CHRM3: variants seen among roughly 807,000 people sequenced by gnomAD.
CHRM3 encodes muscarinic acetylcholine receptor M3.
A neutral mutation model predicts 41.8 loss-of-function variants in CHRM3; 11 were observed. That is an observed-to-expected ratio of 0.26 (90% CI 0.17 to 0.44). The LOEUF is 0.44. Among genes scored for constraint, CHRM3 ranks in the 20% least tolerant of loss-of-function variants. The pLI is 1.00. For missense variants in CHRM3, 571 were observed against 745.4 expected, an observed-to-expected ratio of 0.77 and a Z score of 2.72; for synonymous variants, 297 against 301.4, an observed-to-expected ratio of 0.99 and a Z score of 0.15.
At chr1:239,493,582 C>A (rs1667692890) in intron 2 of CHRM3, among the ~76,000 whole-genome samples, 1 of 152,050 alleles carries the variant, frequency 6.6e-6, no homozygotes, top group Non-Finnish European at 1.5e-5. Context: ...GCCAAGCACA[C>A]AATAGGGATA....
At chr1:239,686,232 C>CT (rs1349899640) in intron 5 of CHRM3, among the ~76,000 whole-genome samples, 1 of 152,132 alleles carries the variant, frequency 6.6e-6, no homozygotes, top group Non-Finnish European at 1.5e-5. Flanking sequence ...TCCATGGTGC[C>CT]TATAGGCGCT....
intron 6 of CHRM3, among the ~76,000 whole-genome samples, chr1:239,862,986 G>C (rs988135194): frequency 1.3e-5 from 2 of 152,186 alleles, no homozygotes; most frequent in African/African-American, 4.8e-5. Context: ...GTGGATGTCA[G>C]ATTACAGAAT....
chr1:239,618,800 C>G (rs1285529277), intron 3 of CHRM3, among the ~76,000 whole-genome samples: 5 of 139,730 alleles, frequency 3.6e-5, no homozygotes, highest in Non-Finnish European at 6.1e-5. Context: ...GCCGAGATCG[C>G]GCCCCTGCAC....
At chr1:239,537,449 C>T (rs908552511) in intron 2 of CHRM3, among the ~76,000 whole-genome samples, 2 of 151,880 alleles carry the variant, frequency 1.3e-5, no homozygotes, top group Admixed American at 6.6e-5. Context: ...AGATTACTAT[C>T]GAGGACCTCA....
chr1:239,798,480 C>A (rs1338492922), intron 5 of CHRM3, among the ~76,000 whole-genome samples: 1 of 152,140 alleles, frequency 6.6e-6, no homozygotes, highest in Non-Finnish European at 1.5e-5. Flanking sequence ...GCACATAGAA[C>A]AGCCCCATGC....
chr1:239,444,900 G>A (rs564951152), intron 1 of CHRM3, among the ~76,000 whole-genome samples: 13 of 152,248 alleles, frequency 8.5e-5, no homozygotes, highest in Admixed American at 6.5e-4. Flanking sequence ...CCATAGGGGC[G>A]GAGATAGTAA....
At chr1:239,458,503 A>G (rs1212734564) in intron 1 of CHRM3, among the ~76,000 whole-genome samples, 1 of 152,214 alleles carries the variant, frequency 6.6e-6, no homozygotes, top group African/African-American at 2.4e-5. Context: ...AGTCCCTACT[A>G]TCTTAGTACT....
At chr1:239,605,041 C>T (rs961041648) in intron 3 of CHRM3, among the ~76,000 whole-genome samples, 5 of 152,062 alleles carry the variant, frequency 3.3e-5, no homozygotes, top group African/African-American at 9.7e-5. Context: ...CATTTAGTAA[C>T]TGCAATTTTA....
chr1:239,575,975 C>A (rs1233338203), intron 3 of CHRM3, among the ~76,000 whole-genome samples: 1 of 152,082 alleles, frequency 6.6e-6, no homozygotes, highest in East Asian at 1.9e-4. Context: ...CCTCCCCTAC[C>A]CCTGGTGACT....
At chr1:239,475,573 T>C (rs751790713) in intron 1 of CHRM3, among the ~76,000 whole-genome samples, 15 of 152,118 alleles carry the variant, frequency 9.9e-5, no homozygotes, top group Non-Finnish European at 1.9e-4. Flanking sequence ...GGATGGGATC[T>C]TAGAATAGAA....
In CHRM3 at chr1:239,554,733, T is replaced by C. The variant is rs566296313; in HGVS notation, c.-313+8984T>C. Among the ~76,000 whole-genome samples the C allele has an allele frequency of 1.5e-4, 22 of 147,862 alleles. No individual in the cohort carries two copies. The East Asian group carries it at 2.2e-3, about 15-fold the overall frequency. On this transcript the variant is annotated intron_variant, in intron 3 of 6. Coordinates refer to ENST00000676153, the MANE Select transcript of CHRM3 (RefSeq NM_001375978.1). Reference sequence around the variant, plus strand: ...AATTGGTTCATGTATTTCTTTCTTTTTTTTTTTTTTTTTTTAGATGGAGTC... The same window carrying C: ...AATTGGTTCATGTATTTCTTTCTTTCTTTTTTTTTTTTTTTAGATGGAGTC...
At chr1:239,391,591 C>T (rs1224436050) in intron 1 of CHRM3, among the ~76,000 whole-genome samples, 2 of 152,106 alleles carry the variant, frequency 1.3e-5, no homozygotes, top group Non-Finnish European at 2.9e-5. Context: ...CTCTGGCTGA[C>T]GTGCACCTTC....
At chr1:239,809,186 GT>G (rs66922405) in intron 5 of CHRM3, among the ~76,000 whole-genome samples, 148,692 of 151,452 alleles carry the variant, frequency 0.98, 73,040 homozygotes, top group East Asian at 1. Context: ...CACCCGGCTA[GT>G]TTTTTTGTAT....
At position 239,618,815 on chromosome 1, in the gene CHRM3, G is replaced by A. The variant is rs192984806; in HGVS notation, c.-312-13409G>A. Among the ~76,000 whole-genome samples the A allele has an allele frequency of 7.2e-3, 982 of 135,834 alleles. 17 individuals are homozygous for A. Among genetic ancestry groups the A allele is most frequent in the African/African-American group, 0.026 (923 of 35,874 alleles). The allele number at this position is 135,834 out of a possible 152,430, so 89.1% of individuals were successfully genotyped here. Reference sequence around the variant, plus strand: ...GCCGAGATCGCGCCCCTGCACTCCAGCCTGGGAGACAGAGCGAGACTCTGT... The same window carrying A: ...GCCGAGATCGCGCCCCTGCACTCCAACCTGGGAGACAGAGCGAGACTCTGT... On this transcript the variant is annotated intron_variant, in intron 3 of 6. Coordinates refer to ENST00000676153, the MANE Select transcript of CHRM3 (RefSeq NM_001375978.1).
At chr1:239,749,315 C>T (rs549274870) in intron 5 of CHRM3, among the ~76,000 whole-genome samples, 4 of 152,072 alleles carry the variant, frequency 2.6e-5, no homozygotes, top group African/African-American at 4.8e-5. Context: ...ATAAGCCCTA[C>T]GGTGGGAGAG....
chr1:239,437,905 T>A (rs1165713556), intron 1 of CHRM3, among the ~76,000 whole-genome samples: 2 of 152,152 alleles, frequency 1.3e-5, no homozygotes, highest in Non-Finnish European at 2.9e-5. Flanking sequence ...TTTTGCATGA[T>A]TGTTGCAGAT....
chr1:239,673,891 A>C (rs544182557), intron 4 of CHRM3, among the ~76,000 whole-genome samples: 2 of 152,218 alleles, frequency 1.3e-5, no homozygotes, highest in South Asian at 4.2e-4. Flanking sequence ...CAGATCAGCA[A>C]CCCTAATCTA....
At chr1:239,869,919 T>C (rs1180239864) in intron 6 of CHRM3, among the ~76,000 whole-genome samples, 1 of 152,096 alleles carries the variant, frequency 6.6e-6, no homozygotes, top group South Asian at 2.1e-4. Flanking sequence ...AAGGGAGTGA[T>C]CATTTGGAGT....
chr1:239,788,980 C>G (rs1004752807), intron 5 of CHRM3, among the ~76,000 whole-genome samples: 1 of 152,146 alleles, frequency 6.6e-6, no homozygotes, highest in Non-Finnish European at 1.5e-5. Flanking sequence ...ATTAAAACAG[C>G]ATTATCTTAT....
Sources: gnomAD v4.1 joint callset for allele counts (sites outside exome capture counted in the v4.1 genomes callset) on GRCh38, gnomAD v4.1.1 for gene constraint, MANE v1.5 for transcripts, NCBI Gene and HGNC (gene_info 2026-07-23, HGNC 2026-07-21) for gene names.